Variants in LRBA observed in about 807,000 individuals in gnomAD.
The protein encoded by LRBA is lipopolysaccharide-responsive and beige-like anchor protein.
LRBA carries 176 observed loss-of-function variants against 330.0 expected under a neutral mutation model. The observed-to-expected ratio is 0.53, with a 90% CI of 0.47 to 0.60. The LOEUF is 0.60. Ranked by LOEUF, LRBA falls within the 20% of genes least tolerant of loss-of-function variation. The probability of loss-of-function intolerance (pLI) is 0.00; values close to 1 mark genes in which losing one functional copy is unlikely to be tolerated. For missense variants in LRBA, 3,259 were observed against 3,444.8 expected, an observed-to-expected ratio of 0.95 and a Z score of 1.35; for synonymous variants, 1,230 against 1,193.0, an observed-to-expected ratio of 1.03 and a Z score of -0.64.
intron 36 of LRBA, among the ~76,000 whole-genome samples, chr4:150,690,253 C>T (rs960336559): frequency 6.6e-6 from 1 of 151,962 alleles, no homozygotes; most frequent in African/African-American, 2.4e-5. Flanking sequence ...CCTCTAATCC[C>T]AGCACTTTGG....
chr4:150,989,318 A>G, intron 2 of LRBA, among the ~76,000 whole-genome samples: 1 of 151,966 alleles, frequency 6.6e-6, no homozygotes, highest in East Asian at 1.9e-4. Flanking sequence ...GTGTTTTAAT[A>G]TATAAGAACT....
intron 37 of LRBA, among the ~76,000 whole-genome samples, chr4:150,609,562 T>C (rs1775018076): frequency 6.6e-6 from 1 of 152,222 alleles, no homozygotes; most frequent in Non-Finnish European, 1.5e-5. Context: ...GAAGTTCACT[T>C]GGTGCAAGAT....
chr4:150,317,583 G>T (rs913264641), intron 50 of LRBA, among the ~76,000 whole-genome samples: 23 of 152,114 alleles, frequency 1.5e-4, no homozygotes, highest in African/African-American at 5.3e-4. Flanking sequence ...GGAGGACCAG[G>T]AAAAATGCAC....
chr4:150,357,664 TTAAA>T (rs1263036212), intron 47 of LRBA, among the ~76,000 whole-genome samples: 6 of 148,840 alleles, frequency 4.0e-5, no homozygotes, highest in Non-Finnish European at 4.5e-5. Context: ...TTTTTTTTTT[TTAAA>T]AAAAACCTTT....
intron 36 of LRBA, among the ~76,000 whole-genome samples, chr4:150,685,203 ATCAATCAAAT>A (rs1255883417): frequency 6.6e-6 from 1 of 151,164 alleles, no homozygotes; most frequent in African/African-American, 2.4e-5. Context: ...GAACTTCCAG[ATCAATCAAAT>A]TCTCAAGACC....
chr4:150,425,142 T>G (rs550847749), intron 46 of LRBA, among the ~76,000 whole-genome samples: 1 of 152,336 alleles, frequency 6.6e-6, no homozygotes, highest in South Asian at 2.1e-4. Context: ...AATTATCTCT[T>G]TTGACAGATG....
chr4:150,805,495 G>GGAAAGGAAAGGA (rs1742573108), intron 33 of LRBA, among the ~76,000 whole-genome samples: 1 of 40,722 alleles, frequency 2.5e-5, no homozygotes, highest in Non-Finnish European at 6.0e-5. Flanking sequence ...AAGGAAAGGA[G>GGAAAGGAAAGGA]AAGGAGGAGA....
chr4:150,427,723 C>T (rs553783742), intron 46 of LRBA, among the ~76,000 whole-genome samples: 31 of 151,946 alleles, frequency 2.0e-4, no homozygotes, highest in African/African-American at 5.8e-4. Flanking sequence ...GTCTGAGAAC[C>T]GGATGCAGAT....
In LRBA at chr4:150,849,718, T is replaced by G. The variant is rs183842183; in HGVS notation, c.4005-143A>C. 9 of 637,264 alleles carry G rather than the reference T, an allele frequency of 1.4e-5. No individual in the cohort carries two copies. In the African/African-American group the frequency reaches 1.5e-4, roughly 10 times the overall value. 39.5% of individuals were successfully genotyped at this position (637,264 alleles called of 1,614,324 possible). On this transcript the variant is annotated intron_variant, in intron 24 of 56. Transcript: ENST00000651943. ...GATGATGCAGCAGGCATTTGGAGGGTGTATACTTCTTCAGAAGAAACAGAC... is the reference window on the plus strand; with the variant it reads ...GATGATGCAGCAGGCATTTGGAGGGGGTATACTTCTTCAGAAGAAACAGAC...
intron 42 of LRBA, among the ~76,000 whole-genome samples, chr4:150,476,885 G>A: frequency 6.6e-6 from 1 of 152,176 alleles, no homozygotes. Flanking sequence ...ACCACCACAG[G>A]TAGAAAACTG....
intron 35 of LRBA, among the ~76,000 whole-genome samples, chr4:150,751,262 A>C (rs777165058): frequency 5.9e-5 from 9 of 152,286 alleles, no homozygotes; most frequent in Non-Finnish European, 1.0e-4. Context: ...GAAGAAGGGA[A>C]GCATATATAT....
chr4:150,556,640 A>G (rs1356404513), intron 40 of LRBA, among the ~76,000 whole-genome samples: 2 of 152,244 alleles, frequency 1.3e-5, no homozygotes, highest in African/African-American at 4.8e-5. Flanking sequence ...TAACATTACA[A>G]TTTTCCCTAT....
At chr4:150,406,174 AGAT>A (rs1178272872) in intron 47 of LRBA, among the ~76,000 whole-genome samples, 1 of 152,196 alleles carries the variant, frequency 6.6e-6, no homozygotes, top group African/African-American at 2.4e-5. Flanking sequence ...AATACAACAA[AGAT>A]GATAAAGGAG....
chr4:150,742,512 C>T (rs1307255967), intron 35 of LRBA, among the ~76,000 whole-genome samples: 3 of 152,056 alleles, frequency 2.0e-5, no homozygotes, highest in African/African-American at 7.2e-5. Context: ...TGCCCACCTA[C>T]AAAAGTTACA....
intron 50 of LRBA, 52 bp from the exon 51 acceptor site, chr4:150,315,675 C>G: frequency 8.9e-7 from 1 of 1,127,380 alleles, no homozygotes; most frequent in South Asian, 1.5e-5. Context: ...ATATACTAAA[C>G]TACATAAAAA....
intron 9 of LRBA, among the ~76,000 whole-genome samples, chr4:150,911,125 C>G (rs534698553): frequency 2.0e-5 from 3 of 152,120 alleles, no homozygotes; most frequent in Non-Finnish European, 4.4e-5. Flanking sequence ...TAAGGTCATG[C>G]CATACGCCAA....
At chr4:150,677,389 A>G (rs954394890) in intron 37 of LRBA, among the ~76,000 whole-genome samples, 12 of 152,336 alleles carry the variant, frequency 7.9e-5, no homozygotes, top group Middle Eastern at 3.4e-3. Context: ...AAATGCTACA[A>G]ATTTTTTAAT....
intron 2 of LRBA, among the ~76,000 whole-genome samples, chr4:150,973,622 T>G (rs181521150): frequency 1.3e-5 from 2 of 152,344 alleles, no homozygotes; most frequent in Non-Finnish European, 2.9e-5. Context: ...ACTGTGTGAT[T>G]ACATATAAGA....
rs747256928 is a variant in LRBA, at chr4:150,851,984, C to T, written c.3726G>A (p.Ala1242=). The change falls in exon 23 of 57, where the codon GCG becomes GCA. Residue 1242 remains alanine (A), a synonymous_variant. Coordinates refer to ENST00000651943, the MANE Select transcript of LRBA (RefSeq NM_001364905.1). ...VSEASSEQKI[A]KLDVSNVATD... ...TAGCAACATTGGAAACATCCAACTT[C>T]GCAATCTTTTGCTCAGAAGAAGCCT... 15 of 1,614,116 alleles carry T rather than the reference C, an allele frequency of 9.3e-6. No individual in the cohort carries two copies. Among genetic ancestry groups the T allele is most frequent in the East Asian group, 8.9e-5 (4 of 44,864 alleles).
Sources: allele counts gnomAD v4.1 joint callset (sites outside exome capture counted in the v4.1 genomes callset), GRCh38; gene constraint gnomAD v4.1.1; transcripts MANE v1.5; gene names NCBI Gene and HGNC (gene_info 2026-07-23, HGNC 2026-07-21).